FMR1: variants seen among roughly 807,000 people sequenced by gnomAD.
FMR1 encodes the protein fragile X messenger ribonucleoprotein 1.
Under a neutral mutation model 50.6 loss-of-function variants are expected in FMR1, and 13 were observed. The ratio of observed to expected loss-of-function variants is 0.26; its 90% CI spans 0.17 to 0.41. The LOEUF is 0.41. FMR1 is among the 10% of genes least tolerant of loss of function. The pLI is 1.00. For synonymous variants in FMR1, 138 were observed against 164.1 expected (o/e 0.84, Z 1.22); for missense variants, 316 against 491.3 (o/e 0.64, Z 3.37).
intron 9 of FMR1, chrX:147,933,402 G>A (rs1557179141): frequency 8.5e-6 from 8 of 940,900 alleles, no homozygotes; most frequent in Non-Finnish European, 1.1e-5. Context: ...TTATCTCAGG[G>A]TTGAAGATCT....
rs2044280647 is a variant in FMR1, at chrX:147,949,894, C to A, written c.*1050C>A. ...GTCATTTCCATGTATGCATAATAATCCTGCAAAGTACAGGTACTTTGTCTA... is the reference window on the plus strand; with the variant it reads ...GTCATTTCCATGTATGCATAATAATACTGCAAAGTACAGGTACTTTGTCTA... On this transcript the variant is annotated 3_prime_UTR_variant, in exon 17 of 17. Coordinates refer to ENST00000370475, the MANE Select transcript of FMR1 (RefSeq NM_002024.6). 3.1e-6 allele frequency: 1 copy of A among 324,215 alleles called. No individual in the cohort carries two copies. The highest frequency in any genetic ancestry group is 5.9e-6 in the Non-Finnish European group (1 of 168,824). The allele number at this position is 324,215 out of a possible 1,213,427, so 26.7% of individuals were successfully genotyped here.
At chrX:147,926,680 G>A (rs1216831734) in intron 3 of FMR1, among the ~76,000 whole-genome samples, 1 of 110,379 alleles carries the variant, frequency 9.1e-6, no homozygotes, top group Admixed American at 9.7e-5. Flanking sequence ...TAGAGACGGG[G>A]TTTCACCATG....
chrX:147,917,435 C>A (rs2042928165), intron 1 of FMR1, among the ~76,000 whole-genome samples: 1 of 111,946 alleles, frequency 8.9e-6, no homozygotes, highest in South Asian at 3.7e-4. Context: ...TGATTTATTT[C>A]CTGTTTATTC....
At chrX:147,934,981 C>T (rs1458496211) in intron 9 of FMR1, among the ~76,000 whole-genome samples, 3 of 111,838 alleles carry the variant, frequency 2.7e-5, no homozygotes, top group East Asian at 5.6e-4. Context: ...ATTGGTATGA[C>T]TATTCAGTCA....
intron 16 of FMR1, among the ~76,000 whole-genome samples, chrX:147,945,875 A>T (rs1181692975): frequency 1.8e-5 from 2 of 110,892 alleles, no homozygotes; most frequent in Admixed American, 9.5e-5. Context: ...ATTATTTATT[A>T]TTTATTTTTA....
intron 1 of FMR1, chrX:147,912,928 T>G: frequency 2.1e-5 from 6 of 286,637 alleles, no homozygotes; most frequent in Non-Finnish European, 3.7e-5. Flanking sequence ...TTGATCATCG[T>G]GAATATTCGC....
Position 147,912,072 on chromosome X carries a change from C to A in FMR1, c.-108C>A, listed in dbSNP as rs868942535. 16 of 299,417 alleles carry A rather than the reference C, an allele frequency of 5.3e-5. No individual in the cohort carries two copies. The highest frequency in any genetic ancestry group is 4.8e-5 in the Non-Finnish European group (11 of 228,869). 24.7% of individuals were successfully genotyped at this position (299,417 alleles called of 1,213,427 possible). ...AGCGCGGCGGCGGCGGCGGCGGCGG[C>A]GGCGGCGGAGGCGGCGGCGGCGGCG... is the stretch of plus-strand genomic sequence containing the variant. On this transcript the variant is annotated 5_prime_UTR_variant, in exon 1 of 17. Transcript: ENST00000370475.
At chrX:147,939,004 A>G (rs2043886144) in intron 12 of FMR1, among the ~76,000 whole-genome samples, 2 of 112,205 alleles carry the variant, frequency 1.8e-5, no homozygotes, top group Middle Eastern at 4.6e-3. Context: ...ATTCGTAAAT[A>G]ATTTGCTCCG....
Position 147,949,585 on chromosome X carries a change from T to C in FMR1, c.*741T>C. On this transcript the variant is annotated 3_prime_UTR_variant, in exon 17 of 17. Coordinates refer to ENST00000370475, the MANE Select transcript of FMR1 (RefSeq NM_002024.6). ...GCAGTATAAAGAATAGGACTTGTTT[T>C]TGTTTTTGTTTTGTTGCACTGAAGT... 3.1e-6 allele frequency: 1 copy of C among 327,736 alleles called. No individual in the cohort carries two copies. Among genetic ancestry groups the C allele is most frequent in the South Asian group, 2.6e-5 (1 of 38,330 alleles). The allele number at this position is 327,736 out of a possible 1,213,427, so 27.0% of individuals were successfully genotyped here.
At position 147,922,002 on chromosome X, in the gene FMR1, A is replaced by G. The variant is rs1557176601; in HGVS notation, c.104+17A>G. 6.3e-6 allele frequency: 6 copies of G among 950,413 alleles called. No homozygotes were observed. The South Asian group carries it at 1.2e-4, about 19-fold the overall frequency. The allele number at this position is 950,413 out of a possible 1,213,427, so 78.3% of individuals were successfully genotyped here. On this transcript the variant is annotated intron_variant, in intron 2 of 16. Coordinates refer to ENST00000370475, the MANE Select transcript of FMR1 (RefSeq NM_002024.6). ...TGAAAACAAGTAAGTGTCTCGTTATATAATTTTAATGATGAGGTTCTTTAA... is the reference window on the plus strand; with the variant it reads ...TGAAAACAAGTAAGTGTCTCGTTATGTAATTTTAATGATGAGGTTCTTTAA...
intron 12 of FMR1, among the ~76,000 whole-genome samples, chrX:147,939,099 T>C (rs2043890028): frequency 8.9e-6 from 1 of 112,357 alleles, no homozygotes; most frequent in African/African-American, 3.2e-5. Flanking sequence ...TAGCATTCAT[T>C]CCATCACATG....
chrX:147,916,146 C>T (rs1233655138), intron 1 of FMR1, among the ~76,000 whole-genome samples: 1 of 112,313 alleles, frequency 8.9e-6, no homozygotes, highest in Admixed American at 9.4e-5. Flanking sequence ...AGTTAGAAAT[C>T]TTTGACCCTG....
At chrX:147,934,693 G>A (rs2043728331) in intron 9 of FMR1, among the ~76,000 whole-genome samples, 1 of 111,972 alleles carries the variant, frequency 8.9e-6, no homozygotes, top group Non-Finnish European at 1.9e-5. Flanking sequence ...AAGTAAATCA[G>A]CCTTGTTTTT....
intron 14 of FMR1, chrX:147,944,109 C>T: frequency 1.3e-6 from 1 of 747,041 alleles, no homozygotes; most frequent in South Asian, 6.8e-5. Flanking sequence ...GAGTTACCTA[C>T]TCCTAAGGCC....
intron 2 of FMR1, chrX:147,925,171 A>G (rs1428673362): frequency 6.4e-6 from 1 of 155,972 alleles, no homozygotes; most frequent in Non-Finnish European, 1.2e-5. Context: ...GCATATTTAT[A>G]TTACTAACAA....
At chrX:147,940,380 T>C (rs1439407118) in intron 12 of FMR1, 196 bp from the exon 13 acceptor site, 1 of 422,949 alleles carries the variant, frequency 2.4e-6, no homozygotes, top group African/African-American at 2.5e-5. Context: ...TTGCTATTGA[T>C]CTATTCGTAT....
Position 147,912,028 on chromosome X carries a change from C to A in FMR1, c.-152C>A. The A allele has an allele frequency of 4.3e-5, 1 of 23,078 alleles. No homozygotes were observed. Among genetic ancestry groups the A allele is most frequent in the Non-Finnish European group, 7.3e-5 (1 of 13,793 alleles). The allele number at this position is 23,078 out of a possible 1,213,427, so 1.9% of individuals were successfully genotyped here. On this transcript the variant is annotated 5_prime_UTR_variant, in exon 1 of 17. In the 5' UTR this introduces an upstream ATG that the reference lacks. Coordinates refer to ENST00000370475, the MANE Select transcript of FMR1 (RefSeq NM_002024.6). ...GGCGGCGGCGGTGACGGAGGCGCCG[C>A]TGCCAGGGGGCGTGCGGCAGCGCGG...
In FMR1 at chrX:147,949,549, C is replaced by T. The variant is rs936046987; in HGVS notation, c.*705C>T. ...TTCCATATTTTTTTCCTTACATAAACATCAGGTTAGGCAGTATAAAGAATA... is the reference window on the plus strand; with the variant it reads ...TTCCATATTTTTTTCCTTACATAAATATCAGGTTAGGCAGTATAAAGAATA... On this transcript the variant is annotated 3_prime_UTR_variant, in exon 17 of 17. Transcript: ENST00000370475. The T allele has an allele frequency of 6.1e-6, 2 of 327,476 alleles. No individual in the cohort carries two copies. The highest frequency in any genetic ancestry group is 1.2e-5 in the Non-Finnish European group (2 of 169,596). 27.0% of individuals were successfully genotyped at this position (327,476 alleles called of 1,213,427 possible).
intron 12 of FMR1, among the ~76,000 whole-genome samples, chrX:147,938,475 G>A (rs1211036186): frequency 1.8e-5 from 2 of 111,668 alleles, no homozygotes; most frequent in Non-Finnish European, 3.8e-5. Context: ...CATATGTACA[G>A]GTTTACTCTG....
Sources: allele counts gnomAD v4.1 joint callset (sites outside exome capture counted in the v4.1 genomes callset), GRCh38; gene constraint gnomAD v4.1.1; transcripts MANE v1.5; gene names NCBI Gene and HGNC (gene_info 2026-07-23, HGNC 2026-07-21).